Variants in DHX40 observed in about 807,000 individuals in gnomAD.
DHX40 encodes DEAH-box helicase 40.
Under a neutral mutation model 89.6 loss-of-function variants are expected in DHX40, and 28 were observed. That is an observed-to-expected ratio of 0.31 (90% CI 0.23 to 0.43). DHX40 has a LOEUF of 0.43. DHX40 is among the 20% of genes least tolerant of loss of function. DHX40 has a pLI of 1.00. For synonymous variants in DHX40, 226 were observed against 283.6 expected (o/e 0.80, Z 2.04); for missense variants, 457 against 844.0 (o/e 0.54, Z 5.68).
chr17:59,599,818 T>TC (rs1035992402), intron 14 of DHX40, among the ~76,000 whole-genome samples: 10 of 148,012 alleles, frequency 6.8e-5, no homozygotes, highest in Non-Finnish European at 4.5e-5. Flanking sequence ...TTTCTCATCC[T>TC]CCCCCCCACC....
intron 10 of DHX40, among the ~76,000 whole-genome samples, chr17:59,585,497 C>T (rs966696336): frequency 2.6e-4 from 39 of 151,090 alleles, no homozygotes; most frequent in South Asian, 1.0e-3. Context: ...CCGAGGCGGG[C>T]GGATTGCTTA....
intron 14 of DHX40, among the ~76,000 whole-genome samples, chr17:59,601,972 G>A (rs144530644): frequency 1.3e-5 from 2 of 152,316 alleles, no homozygotes; most frequent in East Asian, 1.9e-4. Flanking sequence ...TACTAGCCCT[G>A]TGAAAACACC....
chr17:59,607,549 T>C lies in DHX40; in HGVS notation c.*377T>C. On this transcript the variant is annotated 3_prime_UTR_variant, in exon 18 of 18. Coordinates refer to ENST00000251241, the MANE Select transcript of DHX40 (RefSeq NM_024612.5). ...TCCATTTGCATTGAAGCATTAAAAA[T>C]TATTTTTCTTAAAATCTCTTTAAGG... The C allele has an allele frequency of 2.2e-6, 1 of 465,108 alleles. No individual in the cohort carries two copies. Among genetic ancestry groups the C allele is most frequent in the Non-Finnish European group, 3.8e-6 (1 of 261,084 alleles). 28.8% of individuals were successfully genotyped at this position (465,108 alleles called of 1,614,324 possible).
Position 59,566,691 on chromosome 17 carries a change from A to G in DHX40, c.177A>G (p.Arg59=). ...TTPTFPIQKQ[R]KKIIQAVRDN... ...CAACTTTTCCTATTCAGAAACAAAG[A>G]AAAAAGATTATTCAAGCTGTGAGGG... The change falls in exon 2 of 18, where the codon AGA becomes AGG. Residue 59 remains arginine (R), a synonymous_variant. Transcript: ENST00000251241. 1 of 1,607,110 alleles carries G rather than the reference A, an allele frequency of 6.2e-7. No individual in the cohort carries two copies. The highest frequency in any genetic ancestry group is 8.5e-7 in the Non-Finnish European group (1 of 1,178,266).
intron 14 of DHX40, among the ~76,000 whole-genome samples, chr17:59,600,646 A>C (rs1481078114): frequency 1.3e-5 from 2 of 151,514 alleles, no homozygotes; most frequent in African/African-American, 4.8e-5. Flanking sequence ...CAGGAGTTCA[A>C]GACCAGCCTG....
intron 3 of DHX40, among the ~76,000 whole-genome samples, chr17:59,572,627 C>A (rs533305143): frequency 2.6e-5 from 4 of 152,162 alleles, no homozygotes; most frequent in African/African-American, 9.7e-5. Flanking sequence ...GATCCGCCCA[C>A]CTCAGCAACC....
chr17:59,596,452 C>T (rs899768037), intron 12 of DHX40, among the ~76,000 whole-genome samples: 2 of 152,234 alleles, frequency 1.3e-5, no homozygotes, highest in African/African-American at 4.8e-5. Context: ...CCTGTAGTCC[C>T]AGCTACTTGG....
chr17:59,589,737 T>C (rs956585927), intron 12 of DHX40, among the ~76,000 whole-genome samples: 2 of 138,070 alleles, frequency 1.4e-5, no homozygotes, highest in African/African-American at 5.6e-5. Context: ...TTGTTGTTTT[T>C]GAGATGGAGT....
intron 2 of DHX40, 111 bp from the exon 3 acceptor site, chr17:59,570,407 T>G (rs1336305354): frequency 3.8e-6 from 4 of 1,041,202 alleles, no homozygotes; most frequent in Non-Finnish European, 5.2e-6. Flanking sequence ...TTGCGAGATA[T>G]TCTTTTGGAA....
chr17:59,600,267 C>G (rs1417527647), intron 14 of DHX40, among the ~76,000 whole-genome samples: 1 of 151,540 alleles, frequency 6.6e-6, no homozygotes, highest in Non-Finnish European at 1.5e-5. Context: ...TGAGTTTAAG[C>G]AAAATGATAT....
intron 6 of DHX40, among the ~76,000 whole-genome samples, chr17:59,575,038 C>T (rs1202738798): frequency 2.0e-5 from 3 of 151,580 alleles, no homozygotes; most frequent in Non-Finnish European, 3.0e-5. Context: ...GCAATAGCAC[C>T]TGGACTAGCT....
intron 17 of DHX40, 193 bp downstream of exon 17, chr17:59,605,867 A>T (rs2030813934): frequency 1.5e-6 from 1 of 650,128 alleles, no homozygotes; most frequent in Admixed American, 2.1e-5. Flanking sequence ...TGGGAGGCTG[A>T]TGCAGGAGGA....
intron 15 of DHX40, chr17:59,604,886 T>C (rs2143374516): frequency 4.2e-6 from 2 of 479,492 alleles, no homozygotes; most frequent in Non-Finnish European, 7.5e-6. Flanking sequence ...TGATTCCTTA[T>C]ACCTAATTGT....
chr17:59,605,189 G>A lies in DHX40; in HGVS notation c.1971+5G>A. On this transcript the variant is annotated splice_donor_5th_base_variant and intron_variant, in intron 16 of 17. Transcript: ENST00000251241. ...CACATTCATCCTTCCTCAGCAGTAA[G>A]TACTTCATTTTTAATAAAGGGAAGA... is the stretch of plus-strand genomic sequence containing the variant. 1 of 1,613,718 alleles carries A rather than the reference G, an allele frequency of 6.2e-7. No individual in the cohort carries two copies. Among genetic ancestry groups the A allele is most frequent in the Non-Finnish European group, 8.5e-7 (1 of 1,179,690 alleles).
intron 3 of DHX40, among the ~76,000 whole-genome samples, chr17:59,571,927 A>G (rs1365764142): frequency 1.3e-5 from 2 of 152,122 alleles, no homozygotes; most frequent in Non-Finnish European, 2.9e-5. Flanking sequence ...TACCTCATTC[A>G]AGTGGAATCA....
intron 3 of DHX40, 49 bp downstream of exon 3, chr17:59,570,712 T>C (rs2048794394): frequency 6.4e-7 from 1 of 1,553,190 alleles, no homozygotes; most frequent in Non-Finnish European, 8.7e-7. Flanking sequence ...TGGGACAGGG[T>C]CTTGCTCTGT....
intron 12 of DHX40, among the ~76,000 whole-genome samples, chr17:59,594,449 G>C (rs866098636): frequency 6.6e-6 from 1 of 151,384 alleles, no homozygotes; most frequent in African/African-American, 2.4e-5. Flanking sequence ...GTGGTAATGG[G>C]GGCCTGTTCT....
intron 3 of DHX40, among the ~76,000 whole-genome samples, chr17:59,572,004 GTGTT>G (rs1350172829): frequency 2.0e-5 from 3 of 152,280 alleles, no homozygotes; most frequent in African/African-American, 7.2e-5. Context: ...TTTATTTTAT[GTGTT>G]TGTATTCTTG....
Position 59,565,677 on chromosome 17 carries a change from C to T in DHX40, c.6C>T (p.Ser2=), listed in dbSNP as rs1323901820. 1.2e-5 allele frequency: 19 copies of T among 1,600,544 alleles called. No individual in the cohort carries two copies. The highest frequency in any genetic ancestry group is 1.6e-5 in the Non-Finnish European group (19 of 1,179,224). Residue 2 remains serine (S), a synonymous_variant, in exon 1 of 18, where the codon TCC becomes TCT. Coordinates refer to ENST00000251241, the MANE Select transcript of DHX40 (RefSeq NM_024612.5). The part of the protein sequence containing the change: M[S]RFPAVAGRAP... ...CTCCACTCGGGGCCAGGTCTATGTC[C>T]CGGTTTCCCGCAGTCGCGGGCAGGG...
Sources: allele counts gnomAD v4.1 joint callset (sites outside exome capture counted in the v4.1 genomes callset), GRCh38; gene constraint gnomAD v4.1.1; transcripts MANE v1.5; gene names NCBI Gene and HGNC (gene_info 2026-07-23, HGNC 2026-07-21).